CELF2: variants seen among roughly 807,000 people sequenced by gnomAD.
CELF2 encodes the protein CUG triplet repeat RNA-binding protein 2.
CELF2 carries 8 observed loss-of-function variants against 62.6 expected under a neutral mutation model. That is an observed-to-expected ratio of 0.13 (90% CI 0.07 to 0.23). CELF2 has a LOEUF of 0.23. CELF2 is among the 10% of genes least tolerant of loss of function. The pLI, the probability that CELF2 is intolerant of heterozygous loss-of-function variation, is 1.00. For missense variants in CELF2, 333 were observed against 671.0 expected, an observed-to-expected ratio of 0.50 and a Z score of 5.56; for synonymous variants, 258 against 250.0, an observed-to-expected ratio of 1.03 and a Z score of -0.30.
the CELF2 span, among the ~76,000 whole-genome samples, chr10:10,696,165 G>A: frequency 1.8e-4 from 28 of 152,120 alleles, no homozygotes; most frequent in African/African-American, 6.8e-4. Context: ...TGATGGTGAT[G>A]TACAGATGGG....
chr10:11,191,192 T>G lies in CELF2; in HGVS notation c.271+25510T>G. Reference sequence around the variant, plus strand: ...CAGTGCCTGTAACAATGGACACTCATGTTCATCTAGTTCTGTCCCTTTTCA... The same window carrying G: ...CAGTGCCTGTAACAATGGACACTCAGGTTCATCTAGTTCTGTCCCTTTTCA... On this transcript the variant is annotated intron_variant, in intron 2 of 12. Coordinates refer to ENST00000633077, the MANE Select transcript of CELF2 (RefSeq NM_001326342.2). This position sits in a 1 kb window ranked among gnomAD's most constrained non-coding sequence, Gnocchi z 4.1. 6.6e-6 allele frequency among the ~76,000 whole-genome samples: 1 copy of G among 152,188 alleles called. No individual in the cohort carries two copies. Among genetic ancestry groups the G allele is most frequent in the East Asian group, 1.9e-4 (1 of 5,196 alleles).
chr10:11,103,797 T>G (rs2052573192), intron 1 of CELF2, among the ~76,000 whole-genome samples: 1 of 152,126 alleles, frequency 6.6e-6, no homozygotes, highest in South Asian at 2.1e-4. Flanking sequence ...AGTGGGTGAA[T>G]TCGTATATAG....
intron 2 of CELF2, among the ~76,000 whole-genome samples, chr10:11,205,458 T>A (rs1302738815): frequency 2.0e-5 from 3 of 152,238 alleles, no homozygotes; most frequent in African/African-American, 7.2e-5. Context: ...GCACTCTTAT[T>A]TACATGCCAG....
In CELF2 at chr10:11,024,528, G is replaced by GAGGTGGAGGTTGCAGTGC. The variant is rs1593352579; in HGVS notation, c.74+6382_74+6383insCAGGTGGAGGTTGCAGTG. ...AGGGGGGAGGATCGCCTGAACCTGG[G>GAGGTGGAGGTTGCAGTGC]AGGTGGAGGTTGCAGTGAGCTGAGA... On this transcript the variant is annotated intron_variant, in intron 1 of 12. Transcript: ENST00000633077. Among the ~76,000 whole-genome samples, 5 of 152,272 alleles carry GAGGTGGAGGTTGCAGTGC rather than the reference G, an allele frequency of 3.3e-5. No individual in the cohort carries two copies. The East Asian group carries it at 7.7e-4, about 23-fold the overall frequency.
intron 1 of CELF2, among the ~76,000 whole-genome samples, chr10:10,869,055 A>G (rs1281468829): frequency 2.6e-5 from 4 of 152,184 alleles, no homozygotes; most frequent in East Asian, 1.9e-4. Context: ...ATTTCTATCT[A>G]TCTGTCTAGA....
intron 1 of CELF2, among the ~76,000 whole-genome samples, chr10:10,840,076 G>T (rs939628694): frequency 6.6e-5 from 10 of 152,108 alleles, no homozygotes; most frequent in Non-Finnish European, 4.4e-5. Flanking sequence ...CCTTTGTCTG[G>T]ATGTACTAGT....
intron 2 of CELF2, among the ~76,000 whole-genome samples, chr10:10,976,975 T>C (rs1004164202): frequency 2.0e-5 from 3 of 151,654 alleles, no homozygotes; most frequent in Non-Finnish European, 2.9e-5. Flanking sequence ...TATTTTTGAG[T>C]ACAGATCCCA....
intron 2 of CELF2, among the ~76,000 whole-genome samples, chr10:10,999,250 C>T (rs896621897): frequency 2.0e-5 from 3 of 152,128 alleles, no homozygotes; most frequent in African/African-American, 7.2e-5. Context: ...ATCCATCCTC[C>T]GAACAAATGT....
chr10:10,944,772 T>C (rs1375512850), intron 2 of CELF2, among the ~76,000 whole-genome samples: 2 of 152,074 alleles, frequency 1.3e-5, no homozygotes, highest in African/African-American at 2.4e-5. Context: ...CAGCTATTTT[T>C]TTGTATTTTT....
At chr10:11,132,030 C>T (rs2059703899) in intron 1 of CELF2, among the ~76,000 whole-genome samples, 1 of 152,198 alleles carries the variant, frequency 6.6e-6, no homozygotes, top group East Asian at 1.9e-4. Context: ...TGTGAATATT[C>T]AAGCATTTTT....
At chr10:11,190,835 T>G (rs2076146591) in intron 2 of CELF2, among the ~76,000 whole-genome samples, 1 of 138,204 alleles carries the variant, frequency 7.2e-6, no homozygotes, top group East Asian at 2.2e-4. Context: ...CTGAGTTACC[T>G]GGAGCAGTCA....
the CELF2 span, among the ~76,000 whole-genome samples, chr10:10,587,028 A>G: frequency 6.6e-6 from 1 of 152,314 alleles, no homozygotes; most frequent in Non-Finnish European, 1.5e-5. Flanking sequence ...AGTACAAAAC[A>G]TGAGCAGAAC....
At chr10:10,462,615 C>CTTTTTTTTTTTTTATTTTTTTTTTTT in the CELF2 span, among the ~76,000 whole-genome samples, 1 of 69,414 alleles carries the variant, frequency 1.4e-5, no homozygotes. Context: ...TTTTTTTCAT[C>CTTTTTTTTTTTTTATTTTTTTTTTTT]TTTTTTTTTT....
chr10:10,761,964 A>T, the CELF2 span, among the ~76,000 whole-genome samples: 1 of 150,642 alleles, frequency 6.6e-6, no homozygotes, highest in East Asian at 2.0e-4. Context: ...GTAGACAGAT[A>T]TGTAGATGAT....
intron 2 of CELF2, among the ~76,000 whole-genome samples, chr10:10,971,973 A>G (rs1168951893): frequency 6.6e-6 from 1 of 152,228 alleles, no homozygotes; most frequent in Non-Finnish European, 1.5e-5. Context: ...AAGGTATACA[A>G]CATGATGTTT....
At chr10:10,687,992 C>G in the CELF2 span, among the ~76,000 whole-genome samples, 1 of 152,228 alleles carries the variant, frequency 6.6e-6, no homozygotes, top group Non-Finnish European at 1.5e-5. Context: ...ATTGTTCTTT[C>G]TAAAGTACAG....
chr10:10,687,231 C>T, the CELF2 span, among the ~76,000 whole-genome samples: 1,088 of 152,278 alleles, frequency 7.1e-3, 4 homozygotes, highest in Non-Finnish European at 8.4e-3. Context: ...TCTGCCCAAA[C>T]GGACTGCCAT....
intron 9 of CELF2, among the ~76,000 whole-genome samples, chr10:11,303,382 T>C (rs1875594): frequency 0.68 from 103,016 of 152,126 alleles, 39,003 homozygotes; most frequent in East Asian, 0.89. Flanking sequence ...GCTGCAAAAT[T>C]AGTCATCCAT....
chr10:10,706,777 A>T, the CELF2 span, among the ~76,000 whole-genome samples: 1 of 152,202 alleles, frequency 6.6e-6, no homozygotes, highest in Non-Finnish European at 1.5e-5. Flanking sequence ...CCAGACACAA[A>T]GTCCAGTGAC....
Sources: allele counts gnomAD v4.1 joint callset (sites outside exome capture counted in the v4.1 genomes callset), GRCh38; gene constraint gnomAD v4.1.1; non-coding constraint Gnocchi (gnomAD v3.1); transcripts MANE v1.5; gene names NCBI Gene and HGNC (gene_info 2026-07-23, HGNC 2026-07-21).